GALNTL6: variants seen among roughly 807,000 people sequenced by gnomAD.
GALNTL6 encodes polypeptide N-acetylgalactosaminyltransferase-like 6.
GALNTL6 carries 46 observed loss-of-function variants against 73.7 expected under a neutral mutation model. The observed-to-expected ratio is 0.62, with a 90% CI of 0.49 to 0.80. The LOEUF is 0.80. GALNTL6 is among the 30% of genes least tolerant of loss of function. GALNTL6 has a pLI of 0.00. For synonymous variants in GALNTL6, 259 were observed against 263.7 expected, an observed-to-expected ratio of 0.98 and a Z score of 0.17; for missense variants, 604 against 755.0, an observed-to-expected ratio of 0.80 and a Z score of 2.34.
chr4:172,974,874 C>A (rs1271033014), intron 10 of GALNTL6, among the ~76,000 whole-genome samples: 4 of 152,202 alleles, frequency 2.6e-5, no homozygotes, highest in Non-Finnish European at 5.9e-5. Flanking sequence ...CCAGGCATAC[C>A]ACGACCAGCT....
At chr4:172,758,122 C>G (rs1473675030) in intron 5 of GALNTL6, among the ~76,000 whole-genome samples, 3 of 152,142 alleles carry the variant, frequency 2.0e-5, no homozygotes, top group Non-Finnish European at 4.4e-5. Context: ...TGCACACAAC[C>G]ACCTATGTAC....
At chr4:172,579,072 G>C (rs1458010784) in intron 5 of GALNTL6, among the ~76,000 whole-genome samples, 1 of 152,166 alleles carries the variant, frequency 6.6e-6, no homozygotes, top group Non-Finnish European at 1.5e-5. Context: ...TCTTCCCAGA[G>C]ACATTGATTA....
chr4:172,786,572 C>G (rs1739663630), intron 5 of GALNTL6, among the ~76,000 whole-genome samples: 1 of 152,130 alleles, frequency 6.6e-6, no homozygotes, highest in South Asian at 2.1e-4. Flanking sequence ...CCAGCAAACT[C>G]TGTCTAGGCA....
chr4:172,995,962 C>T (rs2126465860), intron 10 of GALNTL6, among the ~76,000 whole-genome samples: 1 of 152,306 alleles, frequency 6.6e-6, no homozygotes, highest in Middle Eastern at 3.4e-3. Context: ...TAACAAAACA[C>T]TTCTTTCCTT....
intron 5 of GALNTL6, among the ~76,000 whole-genome samples, chr4:172,412,334 G>A (rs1009375712): frequency 1.9e-4 from 29 of 152,170 alleles, no homozygotes; most frequent in African/African-American, 7.0e-4. Flanking sequence ...GAGCCACCAC[G>A]CTGGATGGAA....
intron 5 of GALNTL6, among the ~76,000 whole-genome samples, chr4:172,583,681 C>A (rs1163610648): frequency 6.6e-6 from 1 of 151,880 alleles, no homozygotes; most frequent in Non-Finnish European, 1.5e-5. Flanking sequence ...GCGGGTGGAT[C>A]ACGATGTCAG....
intron 5 of GALNTL6, among the ~76,000 whole-genome samples, chr4:172,499,708 C>T (rs1417866511): frequency 1.3e-5 from 2 of 152,140 alleles, no homozygotes; most frequent in Non-Finnish European, 2.9e-5. Context: ...AAAGAGTTCT[C>T]ATGCAACAAA....
chr4:172,972,657 A>G (rs1422733732), intron 10 of GALNTL6, among the ~76,000 whole-genome samples: 1 of 152,174 alleles, frequency 6.6e-6, no homozygotes, highest in Non-Finnish European at 1.5e-5. Flanking sequence ...TGGGGCAGGA[A>G]AGGTAGACGG....
intron 5 of GALNTL6, among the ~76,000 whole-genome samples, chr4:172,560,811 A>G (rs533204155): frequency 6.6e-6 from 1 of 152,234 alleles, no homozygotes; most frequent in Non-Finnish European, 1.5e-5. Flanking sequence ...AATATTTCAC[A>G]TATAAATAAT....
At chr4:172,565,712 C>T (rs1736528999) in intron 5 of GALNTL6, among the ~76,000 whole-genome samples, 1 of 151,818 alleles carries the variant, frequency 6.6e-6, no homozygotes, top group Non-Finnish European at 1.5e-5. Context: ...TGGTAGAATT[C>T]ACCAGTGAGC....
At chr4:172,441,659 T>A (rs1731842530) in intron 5 of GALNTL6, among the ~76,000 whole-genome samples, 1 of 152,174 alleles carries the variant, frequency 6.6e-6, no homozygotes. Flanking sequence ...TGTGCTGGGC[T>A]TAATGAGAGA....
intron 5 of GALNTL6, among the ~76,000 whole-genome samples, chr4:172,752,389 T>C (rs1318609775): frequency 6.6e-6 from 1 of 152,134 alleles, no homozygotes. Flanking sequence ...CCTTCATTTT[T>C]TCCCCTGAAG....
At chr4:172,740,612 C>T (rs1391722887) in intron 5 of GALNTL6, among the ~76,000 whole-genome samples, 1 of 152,164 alleles carries the variant, frequency 6.6e-6, no homozygotes, top group African/African-American at 2.4e-5. Context: ...CATATTGTGT[C>T]AGCTCTACTT....
In GALNTL6 at chr4:172,894,221, C is replaced by T. The variant is rs115018014; in HGVS notation, c.1041+11314C>T. Among the ~76,000 whole-genome samples, 913 of 152,034 alleles carry T rather than the reference C, an allele frequency of 6.0e-3. 10 individuals carry two copies. The highest frequency in any genetic ancestry group is 0.021 in the African/African-American group (856 of 41,452). On this transcript the variant is annotated intron_variant, in intron 8 of 12. Transcript: ENST00000506823. ...ATTTATGTTCTGATCTTTATTATTT[C>T]TTTTATTTTGCTAATTTTGGGGATT... is the stretch of plus-strand genomic sequence containing the variant.
chr4:172,405,427 ATATATATATATATATATTTTTTT>A (rs1425425088), intron 5 of GALNTL6, among the ~76,000 whole-genome samples: 446 of 19,174 alleles, frequency 0.023, 7 homozygotes, highest in African/African-American at 0.06. Flanking sequence ...ATATATATAT[ATATATATATATATATATTTTTTT>A]TTTTTTTTTT....
intron 5 of GALNTL6, among the ~76,000 whole-genome samples, chr4:172,631,052 A>G (rs10005831): frequency 1 from 151,302 of 151,968 alleles, 75,323 homozygotes; most frequent in Middle Eastern, 1. Context: ...ATGAAACATC[A>G]ACCAATGAAA....
rs189876555 is a variant in GALNTL6, at chr4:172,898,688, G to A, written c.1041+15781G>A. 5.0e-4 allele frequency among the ~76,000 whole-genome samples: 76 copies of A among 152,248 alleles called. 2 individuals are homozygous for A. In the East Asian group the frequency reaches 9.4e-3, roughly 19 times the overall value. On this transcript the variant is annotated intron_variant, in intron 8 of 12. Transcript: ENST00000506823. ...TAAGAATACAGCTAACTTTTAAAAT[G>A]TATGCATAAAAAGCAAATGATAAAA...
At chr4:172,879,702 T>G (rs1229844871) in intron 7 of GALNTL6, among the ~76,000 whole-genome samples, 1 of 151,778 alleles carries the variant, frequency 6.6e-6, no homozygotes, top group African/African-American at 2.4e-5. Context: ...AGTTTCCACC[T>G]TAAATAACCA....
rs183142577 is a variant in GALNTL6 at position 171,896,997 on chromosome 4, C to T, written c.138+82279C>T. 4.7e-3 allele frequency among the ~76,000 whole-genome samples: 707 copies of T among 149,040 alleles called. 6 individuals carry two copies. Among genetic ancestry groups the T allele is most frequent in the African/African-American group, 0.016 (656 of 40,146 alleles). ...ATAAAATAATAGATCAATAATAGAC[C>T]GCAATCCAATTACAATAAATTATAT... On this transcript the variant is annotated intron_variant, in intron 2 of 12. Coordinates refer to ENST00000506823, the MANE Select transcript of GALNTL6 (RefSeq NM_001034845.3).
Sources: gnomAD v4.1 joint callset for allele counts (sites outside exome capture counted in the v4.1 genomes callset) on GRCh38, gnomAD v4.1.1 for gene constraint, MANE v1.5 for transcripts, NCBI Gene and HGNC (gene_info 2026-07-23, HGNC 2026-07-21) for gene names.